C8orf34: variants seen among roughly 807,000 people sequenced by gnomAD.
The protein encoded by C8orf34 is uncharacterized protein C8orf34.
A neutral mutation model predicts 68.3 loss-of-function variants in C8orf34; 65 were observed. The observed-to-expected ratio is 0.95, with a 90% CI of 0.78 to 1.17. The LOEUF (loss-of-function observed/expected upper bound fraction) is 1.17. Among genes scored for constraint, C8orf34 ranks in the 50% most tolerant of loss-of-function variants. The pLI, the probability that C8orf34 is intolerant of heterozygous loss-of-function variation, is 0.00. For missense variants in C8orf34, 664 were observed against 655.4 expected, an observed-to-expected ratio of 1.01 and a Z score of -0.14; for synonymous variants, 244 against 241.2, an observed-to-expected ratio of 1.01 and a Z score of -0.11.
At chr8:68,681,566 T>C (rs111987538) in intron 8 of C8orf34, among the ~76,000 whole-genome samples, 2,337 of 152,308 alleles carry the variant, frequency 0.015, 59 homozygotes, top group African/African-American at 0.053. Flanking sequence ...GTTGGTGGAA[T>C]GTAAATTGGT....
intron 12 of C8orf34, among the ~76,000 whole-genome samples, chr8:68,801,789 A>C (rs1362952150): frequency 2.0e-5 from 3 of 152,116 alleles, no homozygotes; most frequent in Admixed American, 6.6e-5. Context: ...TTTGAAGGGG[A>C]TATGTTTAAT....
chr8:68,656,877 CAACAT>C (rs1819524981), intron 8 of C8orf34, among the ~76,000 whole-genome samples: 2 of 152,060 alleles, frequency 1.3e-5, no homozygotes, highest in African/African-American at 4.8e-5. Context: ...TTTATCCAGT[CAACAT>C]AATAAAGAGA....
At chr8:68,503,622 T>A (rs1263074859) in intron 5 of C8orf34, among the ~76,000 whole-genome samples, 1 of 152,034 alleles carries the variant, frequency 6.6e-6, no homozygotes, top group Admixed American at 6.5e-5. Flanking sequence ...AGGTGCTTTT[T>A]GGATGTGCTA....
At chr8:68,392,774 G>A (rs1452325753) in intron 1 of C8orf34, among the ~76,000 whole-genome samples, 2 of 152,038 alleles carry the variant, frequency 1.3e-5, no homozygotes, top group East Asian at 1.9e-4. Flanking sequence ...TTATGGTAGG[G>A]ACTAGAGTCC....
intron 5 of C8orf34, among the ~76,000 whole-genome samples, chr8:68,516,423 A>T (rs141687615): frequency 6.6e-6 from 1 of 152,206 alleles, no homozygotes; most frequent in African/African-American, 2.4e-5. Flanking sequence ...ATAGAGTCAC[A>T]TAACTTGGAG....
intron 1 of C8orf34, among the ~76,000 whole-genome samples, chr8:68,432,167 T>A (rs1810477679): frequency 6.6e-6 from 1 of 151,728 alleles, no homozygotes; most frequent in Non-Finnish European, 1.5e-5. Context: ...AGAAACAACT[T>A]TTAACAAGCA....
chr8:68,560,613 G>A (rs570741619), intron 7 of C8orf34, among the ~76,000 whole-genome samples: 8 of 152,294 alleles, frequency 5.3e-5, no homozygotes, highest in African/African-American at 1.9e-4. Flanking sequence ...CTATAAACCT[G>A]TACAACATGT....
intron 3 of C8orf34, among the ~76,000 whole-genome samples, chr8:68,454,031 A>T (rs1811450092): frequency 6.6e-6 from 1 of 151,982 alleles, no homozygotes; most frequent in South Asian, 2.1e-4. Flanking sequence ...CAATTGAGAT[A>T]ATCATGCAGT....
At chr8:68,636,097 G>A (rs986355576) in intron 7 of C8orf34, among the ~76,000 whole-genome samples, 1 of 152,136 alleles carries the variant, frequency 6.6e-6, no homozygotes, top group African/African-American at 2.4e-5. Flanking sequence ...TTGTTGGCAT[G>A]GGAAAACTGA....
intron 1 of C8orf34, among the ~76,000 whole-genome samples, chr8:68,413,959 A>C (rs1010274674): frequency 6.6e-6 from 1 of 152,168 alleles, no homozygotes; most frequent in Non-Finnish European, 1.5e-5. Flanking sequence ...TCTTTAGCTC[A>C]CATGCTATTT....
intron 8 of C8orf34, among the ~76,000 whole-genome samples, chr8:68,649,594 A>T (rs191013369): frequency 4.5e-4 from 69 of 152,346 alleles, no homozygotes; most frequent in African/African-American, 1.6e-3. Flanking sequence ...AACAAATGCC[A>T]GCCAGAAACT....
In C8orf34 at chr8:68,818,877, T is replaced by C. The variant is rs901376481; in HGVS notation, c.*631T>C. 6.6e-6 allele frequency: 1 copy of C among 152,122 alleles called. No homozygotes were observed. Among genetic ancestry groups the C allele is most frequent in the African/African-American group, 2.4e-5 (1 of 41,444 alleles). The allele number at this position is 152,122 out of a possible 1,614,324, so 9.4% of individuals were successfully genotyped here. On this transcript the variant is annotated 3_prime_UTR_variant, in exon 14 of 14. Transcript: ENST00000518698. ...GGAATGAAATGCATGGCCCAAAACATAGAAAATGAAAATCGTTTGACCATT... is the reference window on the plus strand; with the variant it reads ...GGAATGAAATGCATGGCCCAAAACACAGAAAATGAAAATCGTTTGACCATT...
intron 13 of C8orf34, 42 bp downstream of exon 13, chr8:68,815,987 G>C: frequency 6.2e-7 from 1 of 1,613,318 alleles, no homozygotes; most frequent in Non-Finnish European, 8.5e-7. Flanking sequence ...TCGGGTAATG[G>C]CGGGTACCTT....
intron 1 of C8orf34, among the ~76,000 whole-genome samples, chr8:68,406,152 G>C (rs985018708): frequency 5.3e-5 from 8 of 152,172 alleles, no homozygotes; most frequent in Non-Finnish European, 1.2e-4. Context: ...AGGGGAAACA[G>C]AGAGGAAACA....
chr8:68,610,048 C>A (rs1051734357), intron 7 of C8orf34, among the ~76,000 whole-genome samples: 9 of 152,150 alleles, frequency 5.9e-5, no homozygotes. Flanking sequence ...TCAGGAAAAA[C>A]TAATGAATAT....
intron 8 of C8orf34, among the ~76,000 whole-genome samples, chr8:68,657,191 GT>G (rs1427904263): frequency 6.6e-6 from 1 of 152,084 alleles, no homozygotes; most frequent in Non-Finnish European, 1.5e-5. Context: ...AATACTCACT[GT>G]TTAAGCACAG....
intron 1 of C8orf34, among the ~76,000 whole-genome samples, chr8:68,384,773 C>T (rs1313969744): frequency 6.6e-6 from 1 of 152,190 alleles, no homozygotes; most frequent in East Asian, 1.9e-4. Context: ...TTCTCTCTTG[C>T]ACTCTGCATA....
intron 1 of C8orf34, among the ~76,000 whole-genome samples, chr8:68,431,364 A>G (rs1245262276): frequency 2.0e-5 from 3 of 152,180 alleles, no homozygotes; most frequent in Non-Finnish European, 2.9e-5. Context: ...GAACTTCTAT[A>G]TACATCTGCT....
intron 1 of C8orf34, among the ~76,000 whole-genome samples, chr8:68,431,842 T>C (rs1255899839): frequency 6.6e-6 from 1 of 152,206 alleles, no homozygotes; most frequent in Non-Finnish European, 1.5e-5. Flanking sequence ...GTTTAGTTTT[T>C]AGTTGTGGTA....
Sources: allele counts gnomAD v4.1 joint callset (sites outside exome capture counted in the v4.1 genomes callset), GRCh38; gene constraint gnomAD v4.1.1; transcripts MANE v1.5; gene names NCBI Gene and HGNC (gene_info 2026-07-23, HGNC 2026-07-21).